Variants in UBE4A observed in about 807,000 individuals in gnomAD.
UBE4A encodes ubiquitination factor E4A.
A neutral mutation model predicts 117.9 loss-of-function variants in UBE4A; 48 were observed. That is an observed-to-expected ratio of 0.41 (90% CI 0.32 to 0.52). UBE4A has a LOEUF of 0.52. UBE4A is among the 20% of genes least tolerant of loss of function. The pLI, the probability that UBE4A is intolerant of heterozygous loss-of-function variation, is 0.33. For missense variants in UBE4A, 1,067 were observed against 1,296.3 expected, an observed-to-expected ratio of 0.82 and a Z score of 2.72; for synonymous variants, 407 against 450.0, an observed-to-expected ratio of 0.90 and a Z score of 1.21.
chr11:118,376,417 C>T lies in UBE4A; in HGVS notation c.1451-157C>T, dbSNP rs532410176. Among the ~76,000 whole-genome samples, 14 of 152,144 alleles carry T rather than the reference C, an allele frequency of 9.2e-5. No individual in the cohort carries two copies. In the South Asian group the frequency reaches 1.2e-3, roughly 14 times the overall value. On this transcript the variant is annotated intron_variant, in intron 9 of 19. Coordinates refer to ENST00000252108, the MANE Select transcript of UBE4A (RefSeq NM_001204077.2). ...AAAGATTTAACTGTATTTCTGTAGA[C>T]GGTGAGAAACCAAAAGATATATTCA...
intron 2 of UBE4A, among the ~76,000 whole-genome samples, chr11:118,366,324 G>T (rs1477912708): frequency 6.6e-6 from 1 of 152,174 alleles, no homozygotes; most frequent in South Asian, 2.1e-4. Context: ...TAAGGAATGA[G>T]AAAGTATGAT....
At chr11:118,382,270 A>G (rs188708090) in intron 12 of UBE4A, among the ~76,000 whole-genome samples, 37 of 152,278 alleles carry the variant, frequency 2.4e-4, no homozygotes, top group Non-Finnish European at 5.1e-4. Flanking sequence ...TCCACATGAA[A>G]CTGTCAGAGA....
At chr11:118,383,855 C>T (rs572175139) in intron 13 of UBE4A, among the ~76,000 whole-genome samples, 1 of 152,122 alleles carries the variant, frequency 6.6e-6, no homozygotes, top group South Asian at 2.1e-4. Flanking sequence ...CCTTAGTTTC[C>T]TCATCTATAA....
rs1286966677 is a variant in UBE4A at position 118,391,940 on chromosome 11, G to GA, written c.2917-787dup. On this transcript the variant is annotated intron_variant, in intron 18 of 19. Transcript: ENST00000252108. Reference sequence around the variant, plus strand: ...GGTGTTAATGCAGAATAACTTTTTAGAAAAAAAAAAAGATGAGTAGTTTTC... The same window carrying GA: ...GGTGTTAATGCAGAATAACTTTTTAGAAAAAAAAAAAAGATGAGTAGTTTTC... Among the ~76,000 whole-genome samples the GA allele has an allele frequency of 2.1e-3, 309 of 144,702 alleles. 2 individuals are homozygous for GA. The highest frequency in any genetic ancestry group is 1.9e-3 in the South Asian group (9 of 4,624). The allele number at this position is 144,702 out of a possible 152,430, so 94.9% of individuals were successfully genotyped here. A position where few individuals can be genotyped will look rare whatever the true frequency, so the allele number is the denominator to read the frequency against.
intron 13 of UBE4A, 83 bp from the exon 14 acceptor site, chr11:118,384,552 C>G (rs1397655043): frequency 1.5e-6 from 2 of 1,309,454 alleles, no homozygotes; most frequent in Non-Finnish European, 2.2e-6. Flanking sequence ...CAAATGACTA[C>G]AAAGCAAATG....
At chr11:118,364,979 A>T in intron 1 of UBE4A, 61 bp from the exon 2 acceptor site, 1 of 1,312,192 alleles carries the variant, frequency 7.6e-7, no homozygotes, top group Non-Finnish European at 1.0e-6. Context: ...AAACAACCAC[A>T]GGTATATTAC....
chr11:118,374,832 G>A, intron 8 of UBE4A, 64 bp from the exon 9 acceptor site: 1 of 1,406,544 alleles, frequency 7.1e-7, no homozygotes, highest in South Asian at 1.9e-5. Flanking sequence ...CAGTTGCTAA[G>A]GTTTGGGAAT....
intron 1 of UBE4A, 31 bp downstream of exon 1, chr11:118,359,705 G>T (rs761509665): frequency 6.6e-6 from 1 of 152,242 alleles, no homozygotes; most frequent in Non-Finnish European, 1.5e-5. Flanking sequence ...AGGGGACGGG[G>T]TCGTTGACTT....
At chr11:118,391,482 CAA>C (rs1183433504) in intron 18 of UBE4A, among the ~76,000 whole-genome samples, 5 of 113,510 alleles carry the variant, frequency 4.4e-5, no homozygotes, top group Admixed American at 9.2e-5. Context: ...GATTCCATCT[CAA>C]AAAAAAAAAA....
At position 118,389,932 on chromosome 11, in the gene UBE4A, C is replaced by T. The variant is rs377121581; in HGVS notation, c.2768+27C>T. On this transcript the variant is annotated intron_variant, in intron 17 of 19. Coordinates refer to ENST00000252108, the MANE Select transcript of UBE4A (RefSeq NM_001204077.2). ...TACCTGAGATTGAAATCTGTCAAGC[C>T]AGAGGGGATGCTGTTTTGATTTAGG... is the stretch of plus-strand genomic sequence containing the variant. The T allele has an allele frequency of 5.5e-5, 83 of 1,514,374 alleles. No individual in the cohort carries two copies. In the Middle Eastern group the frequency reaches 3.9e-3, roughly 71 times the overall value. 93.8% of individuals were successfully genotyped at this position (1,514,374 alleles called of 1,614,324 possible).
chr11:118,361,103 A>G (rs1158619638), intron 1 of UBE4A, among the ~76,000 whole-genome samples: 2 of 144,120 alleles, frequency 1.4e-5, no homozygotes, highest in Non-Finnish European at 3.0e-5. Flanking sequence ...GGCAACCTCC[A>G]TCTCCCAGTT....
At position 118,397,597 on chromosome 11, in the gene UBE4A, T is replaced by C. The variant is rs1399555412; in HGVS notation, c.*1157T>C. The C allele has an allele frequency of 2.0e-5, 3 of 152,050 alleles. No homozygotes were observed. Among genetic ancestry groups the C allele is most frequent in the Non-Finnish European group, 4.4e-5 (3 of 68,002 alleles). 9.4% of individuals were successfully genotyped at this position (152,050 alleles called of 1,614,324 possible). On this transcript the variant is annotated 3_prime_UTR_variant, in exon 20 of 20. Transcript: ENST00000252108. ...AGTTGGTAGGTGGACACCACTTTCATAAGTGAACTTGAGCTCACTACTCAA... is the reference window on the plus strand; with the variant it reads ...AGTTGGTAGGTGGACACCACTTTCACAAGTGAACTTGAGCTCACTACTCAA...
intron 11 of UBE4A, among the ~76,000 whole-genome samples, chr11:118,380,944 TCA>T (rs1483025466): frequency 2.0e-5 from 3 of 152,196 alleles, no homozygotes; most frequent in Non-Finnish European, 4.4e-5. Flanking sequence ...GCTGTATGCC[TCA>T]GAGTTTATCT....
intron 2 of UBE4A, 141 bp downstream of exon 2, chr11:118,365,342 A>T (rs45540548): frequency 1.6e-6 from 2 of 1,280,284 alleles, no homozygotes; most frequent in East Asian, 5.4e-5. Flanking sequence ...TGAGAGCAGA[A>T]ATTGGGGTTT....
intron 15 of UBE4A, 95 bp from the exon 16 acceptor site, chr11:118,386,343 C>A: frequency 7.2e-7 from 1 of 1,384,622 alleles, no homozygotes; most frequent in Non-Finnish European, 9.7e-7. Context: ...GTTTTCCCAG[C>A]TTAGTTGACT....
Position 118,398,601 on chromosome 11 carries a change from C to G in UBE4A, c.*2161C>G, listed in dbSNP as rs1555130269. ...TTGGAAGCTTAAAAAGGTGTTTTGTCTGGAACTTAGAAGCAGCTCTAAATC... is the reference window on the plus strand; with the variant it reads ...TTGGAAGCTTAAAAAGGTGTTTTGTGTGGAACTTAGAAGCAGCTCTAAATC... On this transcript the variant is annotated 3_prime_UTR_variant, in exon 20 of 20. Coordinates refer to ENST00000252108, the MANE Select transcript of UBE4A (RefSeq NM_001204077.2). The G allele has an allele frequency of 3.3e-5, 5 of 152,514 alleles. No individual in the cohort carries two copies. The highest frequency in any genetic ancestry group is 1.2e-4 in the African/African-American group (5 of 41,418). The allele number at this position is 152,514 out of a possible 1,614,324, so 9.4% of individuals were successfully genotyped here. A position where few individuals can be genotyped will look rare whatever the true frequency, so the allele number is the denominator to read the frequency against.
At chr11:118,385,091 G>A in intron 15 of UBE4A, 146 bp downstream of exon 15, 3 of 661,576 alleles carry the variant, frequency 4.5e-6, no homozygotes, top group Admixed American at 2.9e-5. Context: ...GATTAGTAGT[G>A]TACCACCAAG....
Position 118,378,513 on chromosome 11 carries a change from G to A in UBE4A, c.1572-933G>A, listed in dbSNP as rs1204204930. The A allele has an allele frequency of 2.0e-5, 3 of 152,128 alleles. No homozygotes were observed. The East Asian group carries it at 5.8e-4, about 29-fold the overall frequency. 9.4% of individuals were successfully genotyped at this position (152,128 alleles called of 1,614,324 possible). On this transcript the variant is annotated intron_variant, in intron 10 of 19. Coordinates refer to ENST00000252108, the MANE Select transcript of UBE4A (RefSeq NM_001204077.2). ...CTGATTATGACAGGTATAAGTAGAG[G>A]AAGAAAACAGCAACTCAGTCATAGA...
At chr11:118,369,650 T>C (rs1948593294) in intron 4 of UBE4A, 115 bp downstream of exon 4, 7 of 439,480 alleles carry the variant, frequency 1.6e-5, no homozygotes, top group East Asian at 4.5e-5. Context: ...CTCTCTCTTT[T>C]TTTTTTTTTT....
Sources: gnomAD v4.1 joint callset for allele counts (sites outside exome capture counted in the v4.1 genomes callset) on GRCh38, gnomAD v4.1.1 for gene constraint, MANE v1.5 for transcripts, NCBI Gene and HGNC (gene_info 2026-07-23, HGNC 2026-07-21) for gene names.